BTRC: variants seen among roughly 807,000 people sequenced by gnomAD.
The protein encoded by BTRC is F-box/WD repeat-containing protein 1A.
Under a neutral mutation model 85.5 loss-of-function variants are expected in BTRC, and 42 were observed. The observed-to-expected ratio is 0.49, with a 90% confidence interval of 0.38 to 0.64. BTRC has a LOEUF of 0.64. BTRC is among the 30% of genes least tolerant of loss of function. The pLI is 0.00. For synonymous variants in BTRC, 255 were observed against 263.3 expected (o/e 0.97, Z 0.30); for missense variants, 594 against 743.5 (o/e 0.80, Z 2.34).
At chr10:101,496,228 G>A (rs1468229654) in intron 4 of BTRC, among the ~76,000 whole-genome samples, 1 of 152,106 alleles carries the variant, frequency 6.6e-6, no homozygotes, top group Non-Finnish European at 1.5e-5. Context: ...TACAATGAGT[G>A]TATTTGAATG....
At chr10:101,455,271 G>A (rs993131037) in intron 2 of BTRC, among the ~76,000 whole-genome samples, 3 of 150,214 alleles carry the variant, frequency 2.0e-5, no homozygotes, top group African/African-American at 7.4e-5. Context: ...TACCCAGGCT[G>A]GTCTTGAACT....
intron 12 of BTRC, among the ~76,000 whole-genome samples, chr10:101,537,025 G>A (rs371940150): frequency 4.6e-5 from 7 of 152,328 alleles, no homozygotes; most frequent in East Asian, 3.9e-4. Flanking sequence ...TGGGGACTTA[G>A]TGTGGTAAGA....
intron 1 of BTRC, among the ~76,000 whole-genome samples, chr10:101,378,894 G>A (rs1225620317): frequency 6.6e-6 from 1 of 151,958 alleles, no homozygotes; most frequent in East Asian, 1.9e-4. Context: ...AGAAATAGGC[G>A]GTCAAGCAGT....
intron 1 of BTRC, among the ~76,000 whole-genome samples, chr10:101,391,892 A>G (rs1943244194): frequency 6.6e-6 from 1 of 152,220 alleles, no homozygotes; most frequent in East Asian, 1.9e-4. Flanking sequence ...GGTTAGTTCA[A>G]TATTATTTTT....
intron 3 of BTRC, among the ~76,000 whole-genome samples, chr10:101,473,845 G>T (rs532662889): frequency 1.3e-5 from 2 of 151,518 alleles, no homozygotes; most frequent in African/African-American, 4.9e-5. Context: ...CTATCCTCCT[G>T]CCTCGGCTTC....
intron 3 of BTRC, among the ~76,000 whole-genome samples, chr10:101,463,948 TA>T (rs11332648): frequency 0.7 from 104,635 of 148,582 alleles, 37,051 homozygotes; most frequent in East Asian, 0.82. Context: ...CAGGAAGCTT[TA>T]AAAAAAAAAA....
chr10:101,510,199 A>G (rs1196891750), intron 4 of BTRC, among the ~76,000 whole-genome samples: 1 of 150,920 alleles, frequency 6.6e-6, no homozygotes, highest in Non-Finnish European at 1.5e-5. Flanking sequence ...AAATAATCGG[A>G]AAAAGATCTT....
At chr10:101,373,643 C>T (rs1201052275) in intron 1 of BTRC, among the ~76,000 whole-genome samples, 1 of 152,032 alleles carries the variant, frequency 6.6e-6, no homozygotes, top group Non-Finnish European at 1.5e-5. Flanking sequence ...CAGGGCCGGG[C>T]GCGGTGGTTC....
intron 2 of BTRC, among the ~76,000 whole-genome samples, chr10:101,432,887 T>C (rs1012090059): frequency 6.6e-6 from 1 of 152,064 alleles, no homozygotes; most frequent in Non-Finnish European, 1.5e-5. Flanking sequence ...AACCATGAAA[T>C]TGACCTGAGC....
chr10:101,459,771 G>A (rs1945175182), intron 2 of BTRC, among the ~76,000 whole-genome samples: 1 of 152,096 alleles, frequency 6.6e-6, no homozygotes, highest in Non-Finnish European at 1.5e-5. Flanking sequence ...CCACCCAGTG[G>A]TTATCCATCT....
intron 4 of BTRC, among the ~76,000 whole-genome samples, chr10:101,491,858 G>A (rs891284000): frequency 6.6e-6 from 1 of 152,186 alleles, no homozygotes. Context: ...TCGGAGAAAA[G>A]GCTTGGGACA....
intron 4 of BTRC, among the ~76,000 whole-genome samples, chr10:101,489,430 G>A (rs1192796589): frequency 6.6e-6 from 1 of 152,000 alleles, no homozygotes; most frequent in Non-Finnish European, 1.5e-5. Context: ...GATTTTTGTG[G>A]CTTTTTATGG....
chr10:101,550,902 C>T lies in BTRC; in HGVS notation c.*31+11C>T, dbSNP rs746154458. The stretch of plus-strand genomic sequence containing the variant: ...CTCATACTTGCCCAGGTATCGAAAT[C>T]GATTATGTACATAACACTGTGGGTA... On this transcript the variant is annotated intron_variant, in intron 14 of 14. Coordinates refer to ENST00000370187, the MANE Select transcript of BTRC (RefSeq NM_033637.4). 35 of 1,583,902 alleles carry T rather than the reference C, an allele frequency of 2.2e-5. No homozygotes were observed. The highest frequency in any genetic ancestry group is 5.6e-5 in the South Asian group (5 of 88,936).
chr10:101,421,030 C>G (rs1944086664), intron 1 of BTRC, among the ~76,000 whole-genome samples: 1 of 150,380 alleles, frequency 6.6e-6, no homozygotes, highest in Non-Finnish European at 1.5e-5. Context: ...ACATCAGATT[C>G]ATGATTTCTG....
At chr10:101,463,380 A>G (rs1945281123) in intron 3 of BTRC, among the ~76,000 whole-genome samples, 1 of 151,906 alleles carries the variant, frequency 6.6e-6, no homozygotes, top group Non-Finnish European at 1.5e-5. Flanking sequence ...GGGTTTCACC[A>G]TGTTGGCCAG....
chr10:101,494,165 G>T (rs1564806372), intron 4 of BTRC, among the ~76,000 whole-genome samples: 1 of 152,176 alleles, frequency 6.6e-6, no homozygotes, highest in South Asian at 2.1e-4. Flanking sequence ...AATGAATGTG[G>T]CCAGGTTAAT....
intron 4 of BTRC, among the ~76,000 whole-genome samples, chr10:101,507,431 T>G (rs1006662914): frequency 1.3e-5 from 2 of 152,212 alleles, no homozygotes; most frequent in Admixed American, 6.5e-5. Flanking sequence ...CGATAAAGGC[T>G]CTGTGCCGCT....
chr10:101,404,025 TATA>T lies in BTRC; in HGVS notation c.49-26319_49-26317del, dbSNP rs1362115029. Among the ~76,000 whole-genome samples the T allele has an allele frequency of 5.1e-3, 215 of 42,014 alleles. 4 individuals carry two copies. Among genetic ancestry groups the T allele is most frequent in the Non-Finnish European group, 6.2e-3 (136 of 22,082 alleles). The allele number at this position is 42,014 out of a possible 152,430, so 27.6% of individuals were successfully genotyped here. A position where few individuals can be genotyped will look rare whatever the true frequency, so the allele number is the denominator to read the frequency against. On this transcript the variant is annotated intron_variant, in intron 1 of 14. Coordinates refer to ENST00000370187, the MANE Select transcript of BTRC (RefSeq NM_033637.4). ...GTGTATATATATATATATATATATA[TATA>T]TATTTTTTTTTTTTTTTTTTTGAGA...
chr10:101,473,007 TG>T (rs1265981783), intron 3 of BTRC, among the ~76,000 whole-genome samples: 2 of 152,158 alleles, frequency 1.3e-5, no homozygotes, highest in East Asian at 3.9e-4. Flanking sequence ...TCACAAAATT[TG>T]GGGAAGTATT....
Sources: allele counts gnomAD v4.1 joint callset (sites outside exome capture counted in the v4.1 genomes callset), GRCh38; gene constraint gnomAD v4.1.1; transcripts MANE v1.5; gene names NCBI Gene and HGNC (gene_info 2026-07-23, HGNC 2026-07-21).